The following SLFN5 variants were observed in gnomAD, a reference collection of about 807,000 sequenced individuals.
SLFN5 encodes schlafen family member 5.
A neutral mutation model predicts 48.5 loss-of-function variants in SLFN5; 34 were observed. That is an observed-to-expected ratio of 0.70 (90% CI 0.53 to 0.93). SLFN5 has a LOEUF of 0.93. Ranked by LOEUF, SLFN5 falls within the 40% of genes least tolerant of loss-of-function variation. SLFN5 has a pLI of 0.00. For missense variants in SLFN5, 1,006 were observed against 1,071.3 expected (o/e 0.94, Z 0.85); for synonymous variants, 387 against 396.2 (o/e 0.98, Z 0.28).
intron 1 of SLFN5, among the ~76,000 whole-genome samples, chr17:35,245,931 A>G (rs1027809397): frequency 3.3e-5 from 5 of 152,146 alleles, no homozygotes; most frequent in Admixed American, 6.5e-5. Flanking sequence ...TTCTTTTCCA[A>G]AATGGTCGTA....
chr17:35,262,402 G>A (rs77003800), intron 3 of SLFN5, among the ~76,000 whole-genome samples: 1 of 150,730 alleles, frequency 6.6e-6, no homozygotes, highest in East Asian at 1.9e-4. Flanking sequence ...AAAAGAAAAG[G>A]AAAAGAAAAA....
In SLFN5 at chr17:35,265,983, T is replaced by C. The variant is rs146483440; in HGVS notation, c.*95T>C. On this transcript the variant is annotated 3_prime_UTR_variant, in exon 5 of 5. Transcript: ENST00000299977. ...AAACATGTAAGCACACACTCACTTA[T>C]TAAGTCACATACTTTTCTAGGTGCT... 10 of 1,301,676 alleles carry C rather than the reference T, an allele frequency of 7.7e-6. No individual in the cohort carries two copies. In the African/African-American group the frequency reaches 1.5e-4, roughly 19 times the overall value. 80.6% of individuals were successfully genotyped at this position (1,301,676 alleles called of 1,614,324 possible).
chr17:35,264,691 C>G lies in SLFN5; in HGVS notation c.1647C>G (p.Gly549=). The G allele has an allele frequency of 6.2e-7, 1 of 1,611,190 alleles. No homozygotes were observed. The highest frequency in any genetic ancestry group is 1.1e-5 in the South Asian group (1 of 90,652). The change falls in exon 4 of 5, where the codon GGC becomes GGG. Residue 549 remains glycine, a synonymous_variant. Transcript: ENST00000299977. The part of the protein sequence containing the change: ...GFKSFLSEEL[G]SEVLNLLTNK... ...AATCCTTCTTAAGTGAAGAGCTGGG[C>G]TCTGAGGTTTTGAACCTACTGACAA...
At chr17:35,253,305 C>G (rs958790971) in intron 1 of SLFN5, among the ~76,000 whole-genome samples, 2 of 152,096 alleles carry the variant, frequency 1.3e-5, no homozygotes, top group Admixed American at 1.3e-4. Context: ...TAGGGAGTTG[C>G]AAACATTCAG....
At position 35,266,163 on chromosome 17, in the gene SLFN5, T is replaced by C. The variant is rs1597656900; in HGVS notation, c.*275T>C. ...AGAGATGTGTGTGTGTGTGTGTGTG[T>C]GTGTGTGTGTGTGTGCGCGCGCGCA... On this transcript the variant is annotated 3_prime_UTR_variant, in exon 5 of 5. Coordinates refer to ENST00000299977, the MANE Select transcript of SLFN5 (RefSeq NM_144975.4). The C allele has an allele frequency of 1.8e-5, 5 of 278,360 alleles. No homozygotes were observed. In the South Asian group the frequency reaches 3.3e-4, roughly 18 times the overall value. The allele number at this position is 278,360 out of a possible 1,614,324, so 17.2% of individuals were successfully genotyped here.
In SLFN5 at chr17:35,267,519, C is replaced by G; in HGVS notation, c.*1631C>G. ...CCAGCTTGAGCAATATAGTGAGACC[C>G]TGTCTCTACAAAAACAAACAAACAA... On this transcript the variant is annotated 3_prime_UTR_variant, in exon 5 of 5. Coordinates refer to ENST00000299977, the MANE Select transcript of SLFN5 (RefSeq NM_144975.4). The G allele has an allele frequency of 6.6e-6, 1 of 152,052 alleles. No individual in the cohort carries two copies. The highest frequency in any genetic ancestry group is 1.5e-5 in the Non-Finnish European group (1 of 68,064). 9.4% of individuals were successfully genotyped at this position (152,052 alleles called of 1,614,324 possible). A position where few individuals can be genotyped will look rare whatever the true frequency, so the allele number is the denominator to read the frequency against.
Position 35,265,527 on chromosome 17 carries a change from ATG to A in SLFN5, c.2317_2318del (p.Val773SerfsTer3), listed in dbSNP as rs1169292517. ...TTGAACTTGGAGGAGATACTGATCT[ATG>A]TAGCGAATAAATGCCGTTTTCTCTT... On this transcript the variant is annotated frameshift_variant, in exon 5 of 5. Transcript: ENST00000299977. LOFTEE classifies it low-confidence loss of function (END_TRUNC). 1 of 1,614,246 alleles carries A rather than the reference ATG, an allele frequency of 6.2e-7. No homozygotes were observed. The highest frequency in any genetic ancestry group is 1.1e-5 in the South Asian group (1 of 91,090).
intron 1 of SLFN5, among the ~76,000 whole-genome samples, chr17:35,253,979 T>G (rs2092449163): frequency 6.6e-6 from 1 of 152,246 alleles, no homozygotes; most frequent in Admixed American, 6.5e-5. Flanking sequence ...ATTACAAGCA[T>G]GAGCCACTGT....
intron 1 of SLFN5, among the ~76,000 whole-genome samples, chr17:35,248,260 A>C (rs775179379): frequency 6.6e-6 from 1 of 152,158 alleles, no homozygotes; most frequent in Non-Finnish European, 1.5e-5. Flanking sequence ...CATGCACCTT[A>C]GAAAAGTAGG....
Position 35,269,555 on chromosome 17 carries a change from A to G in SLFN5, c.*3667A>G, listed in dbSNP as rs1331295582. On this transcript the variant is annotated 3_prime_UTR_variant, in exon 5 of 5. Coordinates refer to ENST00000299977, the MANE Select transcript of SLFN5 (RefSeq NM_144975.4). ...CCTGATAGAATAAAATGACAAGCTG[A>G]CCAAATAGGCCTTAGAAGGGAGAGG... 1 of 152,208 alleles carries G rather than the reference A, an allele frequency of 6.6e-6. No homozygotes were observed. Among genetic ancestry groups the G allele is most frequent in the Non-Finnish European group, 1.5e-5 (1 of 68,032 alleles). The allele number at this position is 152,208 out of a possible 1,614,324, so 9.4% of individuals were successfully genotyped here.
intron 1 of SLFN5, among the ~76,000 whole-genome samples, chr17:35,249,504 C>G (rs2092437732): frequency 6.6e-6 from 1 of 152,194 alleles, no homozygotes; most frequent in Non-Finnish European, 1.5e-5. Context: ...AAACATGGTA[C>G]TACTCTTTCT....
rs1904793654 is a variant in SLFN5 at position 35,270,036 on chromosome 17, C to T, written c.*4148C>T. On this transcript the variant is annotated 3_prime_UTR_variant, in exon 5 of 5. Transcript: ENST00000299977. ...AAAAATATTCGGTAGTTCAGCTCTTCCTTCAATTTTATTAGTTGCTTTTTC... is the reference window on the plus strand; with the variant it reads ...AAAAATATTCGGTAGTTCAGCTCTTTCTTCAATTTTATTAGTTGCTTTTTC... The T allele has an allele frequency of 6.6e-6, 1 of 152,084 alleles. No individual in the cohort carries two copies. Among genetic ancestry groups the T allele is most frequent in the Admixed American group, 6.5e-5 (1 of 15,268 alleles). The allele number at this position is 152,084 out of a possible 1,614,324, so 9.4% of individuals were successfully genotyped here.
Position 35,259,389 on chromosome 17 carries a change from T to C in SLFN5, c.699T>C (p.Asp233=). The C allele has an allele frequency of 4.3e-6, 7 of 1,614,158 alleles. No individual in the cohort carries two copies. The highest frequency in any genetic ancestry group is 5.9e-6 in the Non-Finnish European group (7 of 1,179,992). ...EGGYVFFGVH[D]ETCQVIGCEK... ...GATATGTATTTTTTGGTGTGCATGATGAGACTTGTCAAGTGATTGGATGTG... is the reference window on the plus strand; with the variant it reads ...GATATGTATTTTTTGGTGTGCATGACGAGACTTGTCAAGTGATTGGATGTG... Residue 233 remains aspartate (D), a synonymous_variant, in exon 2 of 5, where the codon GAT becomes GAC. Coordinates refer to ENST00000299977, the MANE Select transcript of SLFN5 (RefSeq NM_144975.4).
intron 1 of SLFN5, among the ~76,000 whole-genome samples, chr17:35,250,885 A>C (rs1488421960): frequency 2.6e-5 from 4 of 152,224 alleles, no homozygotes; most frequent in Non-Finnish European, 4.4e-5. Flanking sequence ...AAACCTCTCT[A>C]AGGAGGGATA....
At chr17:35,246,770 G>A (rs148853441) in intron 1 of SLFN5, among the ~76,000 whole-genome samples, 118 of 151,616 alleles carry the variant, frequency 7.8e-4, no homozygotes, top group African/African-American at 2.5e-3. Flanking sequence ...CAGGAGAATC[G>A]CTTGAACCCA....
At chr17:35,246,630 A>C (rs2092431305) in intron 1 of SLFN5, among the ~76,000 whole-genome samples, 1 of 152,094 alleles carries the variant, frequency 6.6e-6, no homozygotes, top group South Asian at 2.1e-4. Context: ...CGAGGCAGGG[A>C]GATCACTTGA....
chr17:35,243,076 G>C lies in SLFN5; in HGVS notation c.-108G>C, dbSNP rs2092422467. 4 of 152,332 alleles carry C rather than the reference G, an allele frequency of 2.6e-5. No homozygotes were observed. The highest frequency in any genetic ancestry group is 2.6e-4 in the Admixed American group (4 of 15,270). The allele number at this position is 152,332 out of a possible 1,614,324, so 9.4% of individuals were successfully genotyped here. A position where few individuals can be genotyped will look rare whatever the true frequency, so the allele number is the denominator to read the frequency against. ...GGGATCCCGCCGGGTCAGGTTCTCTGCTCTGGACTTGGGAGGCTCCGTTGC... is the reference window on the plus strand; with the variant it reads ...GGGATCCCGCCGGGTCAGGTTCTCTCCTCTGGACTTGGGAGGCTCCGTTGC... On this transcript the variant is annotated 5_prime_UTR_variant, in exon 1 of 5. Transcript: ENST00000299977.
intron 1 of SLFN5, among the ~76,000 whole-genome samples, chr17:35,252,287 T>TGTACAAGAAC (rs1320144307): frequency 2.0e-5 from 3 of 152,182 alleles, no homozygotes; most frequent in Non-Finnish European, 2.9e-5. Context: ...AAAAATTAGC[T>TGTACAAGAAC]GTGCATTGTG....
intron 2 of SLFN5, chr17:35,259,927 A>G: frequency 1.8e-6 from 1 of 545,252 alleles, no homozygotes; most frequent in South Asian, 2.7e-5. Flanking sequence ...TGCCCTGGCT[A>G]GTAGCCCCAT....
Sources: allele counts gnomAD v4.1 joint callset (sites outside exome capture counted in the v4.1 genomes callset), GRCh38; gene constraint gnomAD v4.1.1; transcripts MANE v1.5; gene names NCBI Gene and HGNC (gene_info 2026-07-23, HGNC 2026-07-21).